The following MCM5 variants were observed in gnomAD, a reference collection of about 807,000 sequenced individuals.
The protein encoded by MCM5 is DNA replication licensing factor MCM5.
A neutral mutation model predicts 79.9 loss-of-function variants in MCM5; 46 were observed. That is an observed-to-expected ratio of 0.58 (90% CI 0.45 to 0.74). The LOEUF (loss-of-function observed/expected upper bound fraction) is 0.74, where lower values mean the gene tolerates loss of function less well. Among genes scored for constraint, MCM5 ranks in the 30% least tolerant of loss-of-function variants. The probability of loss-of-function intolerance (pLI) is 0.00; values close to 1 mark genes in which losing one functional copy is unlikely to be tolerated. For synonymous variants in MCM5, 404 were observed against 390.5 expected (o/e 1.03, Z -0.41); for missense variants, 883 against 1,017.0 (o/e 0.87, Z 1.79).
chr22:35,408,714 T>C, intron 6 of MCM5, 151 bp downstream of exon 6: 2 of 744,704 alleles, frequency 2.7e-6, no homozygotes, highest in Non-Finnish European at 2.1e-6. Flanking sequence ...TGCCTAATGC[T>C]TCCATAAGTT....
chr22:35,426,859 A>G (rs1932782189), downstream of MCM5, among the ~76,000 whole-genome samples: 1 of 152,126 alleles, frequency 6.6e-6, no homozygotes, highest in Non-Finnish European at 1.5e-5. Flanking sequence ...TCCTGGCTGC[A>G]TGGGTCTCTC....
intron 10 of MCM5, 118 bp downstream of exon 10, chr22:35,416,090 C>A: frequency 7.6e-7 from 1 of 1,310,016 alleles, no homozygotes; most frequent in African/African-American, 1.5e-5. Flanking sequence ...AATCCCTGGG[C>A]CGGTCACTCT....
At chr22:35,419,456 C>T (rs1266302881) in intron 13 of MCM5, among the ~76,000 whole-genome samples, 2 of 152,188 alleles carry the variant, frequency 1.3e-5, no homozygotes, top group Admixed American at 6.5e-5. Flanking sequence ...ATCAGCTTGT[C>T]GTGTCTTCAG....
Position 35,406,714 on chromosome 22 carries a change from G to C in MCM5, c.585G>C (p.Arg195Ser). 1.2e-6 allele frequency: 2 copies of C among 1,607,794 alleles called. No individual in the cohort carries two copies. The highest frequency in any genetic ancestry group is 1.7e-6 in the Non-Finnish European group (2 of 1,179,974). ...RPGLEGYALP[R>S]KCNTDQAGRP... ...GCCTCGAGGGCTATGCCCTGCCCAG[G>C]AAGTGCAACACGTGAGTCTGTGGCC... The change falls in exon 5 of 17, where the codon AGG becomes AGC. Residue 195 changes from arginine (R) to serine (S), a missense_variant. Arg to Ser is a moderately radical substitution (Grantham distance 110, BLOSUM62 -1). Coordinates refer to ENST00000216122, the MANE Select transcript of MCM5 (RefSeq NM_006739.4).
intron 5 of MCM5, among the ~76,000 whole-genome samples, chr22:35,406,959 G>A (rs1420680052): frequency 6.6e-6 from 1 of 152,144 alleles, no homozygotes; most frequent in Non-Finnish European, 1.5e-5. Context: ...AGACAGCGTT[G>A]TAGGGAACCC....
the MCM5 span, among the ~76,000 whole-genome samples, chr22:35,432,032 A>G: frequency 1.3e-5 from 2 of 152,204 alleles, no homozygotes; most frequent in African/African-American, 4.8e-5. Context: ...CGTACCTACA[A>G]TAAAGGGCGA....
the MCM5 span, among the ~76,000 whole-genome samples, chr22:35,445,944 C>T: frequency 2.0e-5 from 3 of 152,234 alleles, no homozygotes; most frequent in Admixed American, 1.3e-4. Flanking sequence ...GGTCATACTG[C>T]AACCTGTGTT....
chr22:35,434,211 G>A, the MCM5 span, among the ~76,000 whole-genome samples: 7 of 151,982 alleles, frequency 4.6e-5, no homozygotes, highest in East Asian at 5.8e-4. Context: ...GTTCAGCAGC[G>A]TTTTAGGCAG....
chr22:35,421,531 C>G lies in MCM5; in HGVS notation c.1975+71C>G, dbSNP rs765933263. 18 of 1,596,544 alleles carry G rather than the reference C, an allele frequency of 1.1e-5. No homozygotes were observed. The East Asian group carries it at 3.3e-4, about 30-fold the overall frequency. The stretch of plus-strand genomic sequence containing the variant: ...GGCTCGGAGCTCTGTGGGCAGGGCT[C>G]TGGCCTGCTGGGGGCCTGCAGTGTG... On this transcript the variant is annotated intron_variant, in intron 15 of 16. Coordinates refer to ENST00000216122, the MANE Select transcript of MCM5 (RefSeq NM_006739.4).
chr22:35,410,485 G>A, intron 6 of MCM5: 1 of 453,296 alleles, frequency 2.2e-6, no homozygotes, highest in South Asian at 2.0e-5. Flanking sequence ...AGTTCAGCGA[G>A]AGTCAGGCCA....
At chr22:35,433,303 C>A in the MCM5 span, among the ~76,000 whole-genome samples, 1 of 152,190 alleles carries the variant, frequency 6.6e-6, no homozygotes, top group Non-Finnish European at 1.5e-5. Flanking sequence ...AGTATCAAGT[C>A]ACCATCCATG....
In MCM5 at chr22:35,419,960, C is replaced by T. The variant is rs767646087; in HGVS notation, c.1780C>T (p.Arg594Cys). The T allele has an allele frequency of 2.2e-5, 35 of 1,613,136 alleles. No homozygotes were observed. Among genetic ancestry groups the T allele is most frequent in the Non-Finnish European group, 2.5e-5 (30 of 1,179,676 alleles). ...NRYIIMRSGA[R>C]QHERDSDRRS... ...CTACATCATCATGCGGAGCGGGGCC[C>T]GTCAGCACGAGAGGGACAGTGACCG... Residue 594 changes from arginine (R) to cysteine (C), a missense_variant, in exon 14 of 17, where the codon CGT becomes TGT. By Grantham distance (180) the Arg-to-Cys change is radical. This residue lies in a region of MCM5 where 426 missense variants were observed against 482.3 expected (regional missense o/e 0.88). Transcript: ENST00000216122.
chr22:35,406,006 G>A (rs1932199745), intron 4 of MCM5, among the ~76,000 whole-genome samples: 1 of 149,466 alleles, frequency 6.7e-6, no homozygotes, highest in East Asian at 2.0e-4. Flanking sequence ...GCAAGACTCT[G>A]TCTCAAAAAA....
Position 35,408,588 on chromosome 22 carries a change from G to T in MCM5, c.752+25G>T, listed in dbSNP as rs551296064. 8.8e-6 allele frequency: 14 copies of T among 1,595,548 alleles called. No individual in the cohort carries two copies. The South Asian group carries it at 1.6e-4, about 18-fold the overall frequency. On this transcript the variant is annotated intron_variant, in intron 6 of 16. Transcript: ENST00000216122. ...GGTGAGGCAGACGGGCTGGGAGGTGGGCATCTACGACGGTGGATGTCCCAG... is the reference window on the plus strand; with the variant it reads ...GGTGAGGCAGACGGGCTGGGAGGTGTGCATCTACGACGGTGGATGTCCCAG...
chr22:35,453,595 A>G, the MCM5 span, among the ~76,000 whole-genome samples: 1 of 149,276 alleles, frequency 6.7e-6, no homozygotes, highest in African/African-American at 2.4e-5. Context: ...AGACAGAGAT[A>G]GAGACATAAA....
the MCM5 span, among the ~76,000 whole-genome samples, chr22:35,450,314 A>G: frequency 5.7e-5 from 5 of 87,344 alleles, no homozygotes; most frequent in Admixed American, 2.1e-4. Context: ...TCTGCAGAAC[A>G]GGGGGAAGGA....
chr22:35,421,522 G>A (rs1932695039), intron 15 of MCM5, 62 bp downstream of exon 15: 2 of 1,605,886 alleles, frequency 1.2e-6, no homozygotes, highest in Non-Finnish European at 1.7e-6. Flanking sequence ...GAGCTCTGTG[G>A]GCAGGGCTCT....
the MCM5 span, among the ~76,000 whole-genome samples, chr22:35,444,329 C>CAG: frequency 1.3e-5 from 2 of 151,964 alleles, no homozygotes. Flanking sequence ...AAGGGGGAAG[C>CAG]AGAGAGAGAG....
chr22:35,420,903 G>C (rs1378590857), intron 14 of MCM5, among the ~76,000 whole-genome samples: 2 of 152,096 alleles, frequency 1.3e-5, no homozygotes, highest in East Asian at 3.9e-4. Context: ...TGAGGCAGGA[G>C]GATTACTTGA....
Sources: allele counts gnomAD v4.1 joint callset (sites outside exome capture counted in the v4.1 genomes callset), GRCh38; gene constraint gnomAD v4.1.1; regional missense constraint gnomAD v4.1.1; transcripts MANE v1.5; gene names NCBI Gene and HGNC (gene_info 2026-07-23, HGNC 2026-07-21).